The following PTAFR variants were observed in gnomAD, a reference collection of about 807,000 sequenced individuals.
PTAFR encodes the protein platelet activating factor receptor.
Under a neutral mutation model 14.7 loss-of-function variants are expected in PTAFR, and 8 were observed. That is an observed-to-expected ratio of 0.54 (90% CI 0.32 to 0.98). PTAFR has a LOEUF of 0.98. Among genes scored for constraint, PTAFR ranks in the 50% least tolerant of loss-of-function variants. The probability of loss-of-function intolerance (pLI) is 0.04; values close to 1 mark genes in which losing one functional copy is unlikely to be tolerated. For missense variants in PTAFR, 337 were observed against 451.2 expected (o/e 0.75, Z 2.29); for synonymous variants, 156 against 176.5 (o/e 0.88, Z 0.92).
chr1:28,159,859 A>G (rs901397394), intron 1 of PTAFR, among the ~76,000 whole-genome samples: 1 of 151,950 alleles, frequency 6.6e-6, no homozygotes, highest in African/African-American at 2.4e-5. Context: ...TTGAGCAACA[A>G]AATGCTGTGT....
At chr1:28,193,544 G>A (rs1194610424) in intron 1 of PTAFR, among the ~76,000 whole-genome samples, 3 of 152,024 alleles carry the variant, frequency 2.0e-5, no homozygotes, top group African/African-American at 4.8e-5. Context: ...GGATTGTGCT[G>A]TGTCTGTGGG....
chr1:28,180,143 TACAAA>T (rs911369522), upstream of PTAFR, among the ~76,000 whole-genome samples: 7 of 152,086 alleles, frequency 4.6e-5, no homozygotes, highest in East Asian at 1.9e-4. Flanking sequence ...ACCCTGTCTC[TACAAA>T]ACAAAACAAA....
intron 1 of PTAFR, among the ~76,000 whole-genome samples, chr1:28,151,669 A>C (rs527299958): frequency 0.031 from 4,772 of 152,132 alleles, 256 homozygotes; most frequent in African/African-American, 0.11. Flanking sequence ...CACACAAAAA[A>C]AAAAAATAAT....
upstream of PTAFR, among the ~76,000 whole-genome samples, chr1:28,178,091 T>TC (rs1646532916): frequency 6.6e-6 from 1 of 151,772 alleles, no homozygotes; most frequent in South Asian, 2.1e-4. Context: ...GAAACTGAGG[T>TC]CCCGACAGGA....
At position 28,149,988 on chromosome 1, in the gene PTAFR, A is replaced by G. The variant is rs957805951; in HGVS notation, c.*5T>C. The stretch of plus-strand genomic sequence containing the variant: ...AGGAGAAGACTTCAGGCCTGGAAGC[A>G]GGGACTAATTTTTGAGGGAATTGCC... On this transcript the variant is annotated 3_prime_UTR_variant, in exon 2 of 2. Coordinates refer to ENST00000373857, the MANE Select transcript of PTAFR (RefSeq NM_000952.5). 3 of 1,607,888 alleles carry G rather than the reference A, an allele frequency of 1.9e-6. No individual in the cohort carries two copies. Among genetic ancestry groups the G allele is most frequent in the Non-Finnish European group, 2.6e-6 (3 of 1,176,284 alleles).
intron 1 of PTAFR, among the ~76,000 whole-genome samples, chr1:28,187,690 C>A (rs754886983): frequency 6.6e-5 from 10 of 152,000 alleles, no homozygotes; most frequent in Non-Finnish European, 1.2e-4. Flanking sequence ...GCCATGTTGC[C>A]CAAGCTGTTC....
At position 28,183,952 on chromosome 1, in the gene PTAFR, T is replaced by C. The variant is rs571142500; in HGVS notation, c.-39+9770A>G. Among the ~76,000 whole-genome samples the C allele has an allele frequency of 4.6e-5, 7 of 152,084 alleles. No homozygotes were observed. In the East Asian group the frequency reaches 5.8e-4, roughly 13 times the overall value. On this transcript the variant is annotated intron_variant, in intron 1 of 1. Coordinates refer to the PTAFR transcript ENST00000305392. ...GATGGATAGATAGATAGATAGATGA[T>C]AGATCCAAAATCTTGCCACTTCTCA...
At chr1:28,154,811 CA>C (rs35917959) in intron 1 of PTAFR, among the ~76,000 whole-genome samples, 150 of 37,304 alleles carry the variant, frequency 4.0e-3, no homozygotes, top group East Asian at 0.022. Context: ...GACTCTGTCT[CA>C]AAAAAAAAAA....
chr1:28,191,633 C>G (rs1308028627), intron 1 of PTAFR, among the ~76,000 whole-genome samples: 1 of 151,822 alleles, frequency 6.6e-6, no homozygotes, highest in Admixed American at 6.6e-5. Flanking sequence ...TAGAGTAACT[C>G]AGGCTTCCTC....
At chr1:28,163,774 C>T (rs1258460189) in intron 1 of PTAFR, among the ~76,000 whole-genome samples, 1 of 152,204 alleles carries the variant, frequency 6.6e-6, no homozygotes, top group East Asian at 1.9e-4. Context: ...GACCTAGGGG[C>T]TTTGACCTAC....
At chr1:28,180,968 T>TTA (rs1646557629), upstream of PTAFR, among the ~76,000 whole-genome samples, 2 of 152,012 alleles carry the variant, frequency 1.3e-5, no homozygotes, top group African/African-American at 4.8e-5. Flanking sequence ...ATTGATTGAT[T>TTA]TTTATTTATT....
chr1:28,150,894 A>G lies in PTAFR; in HGVS notation c.128T>C (p.Leu43Pro), dbSNP rs1478666700. 1 of 1,614,164 alleles carries G rather than the reference A, an allele frequency of 6.2e-7. No individual in the cohort carries two copies. ...CTCATTGAATTTCTTGCAAGGGTAC[A>G]GGCGGGCAAAGACCCACAGCACGTA... ...NGYVLWVFAR[L>P]YPCKKFNEIK... is the part of the protein sequence containing the mutation. The change falls in exon 2 of 2, where the codon CTG becomes CCG. Residue 43 changes from leucine to proline, a missense_variant. Transcript: ENST00000373857. This position sits in a 1 kb window ranked among gnomAD's most constrained non-coding sequence, Gnocchi z 6.3.
chr1:28,184,489 C>T (rs151288141), intron 1 of PTAFR, among the ~76,000 whole-genome samples: 2,202 of 152,298 alleles, frequency 0.014, 20 homozygotes, highest in Middle Eastern at 0.027. Flanking sequence ...TTCCATCTCA[C>T]GTACAGGAGA....
rs1229960386 is a variant in PTAFR, at chr1:28,151,078, A to T, written c.-38-19T>A. ...GTGGTGCCTGGAAGACCACACAAAA[A>T]TTCTGGTTAATAAAGGGACAAGAAG... On this transcript the variant is annotated intron_variant, in intron 1 of 1. Coordinates refer to ENST00000373857, the MANE Select transcript of PTAFR (RefSeq NM_000952.5). The T allele has an allele frequency of 7.8e-6, 11 of 1,415,370 alleles. No individual in the cohort carries two copies. The East Asian group carries it at 2.5e-4, about 32-fold the overall frequency. 87.7% of individuals were successfully genotyped at this position (1,415,370 alleles called of 1,614,324 possible). A position where few individuals can be genotyped will look rare whatever the true frequency, so the allele number is the denominator to read the frequency against.
chr1:28,184,602 T>C (rs1428242436), intron 1 of PTAFR, among the ~76,000 whole-genome samples: 2 of 152,080 alleles, frequency 1.3e-5, no homozygotes, highest in Non-Finnish European at 2.9e-5. Context: ...CTGCCCTTCT[T>C]CAACACACTC....
chr1:28,182,220 C>T (rs1646568333), intron 1 of PTAFR, among the ~76,000 whole-genome samples: 1 of 151,920 alleles, frequency 6.6e-6, no homozygotes, highest in South Asian at 2.1e-4. Flanking sequence ...CCTGTAATTC[C>T]AACTACTCAG....
At chr1:28,185,212 T>C (rs1403991206) in intron 1 of PTAFR, among the ~76,000 whole-genome samples, 1 of 152,212 alleles carries the variant, frequency 6.6e-6, no homozygotes, top group Non-Finnish European at 1.5e-5. Flanking sequence ...CTTGAGTTTA[T>C]TGCCAAGATC....
At chr1:28,155,829 C>T (rs1646257770) in intron 1 of PTAFR, among the ~76,000 whole-genome samples, 1 of 152,138 alleles carries the variant, frequency 6.6e-6, no homozygotes, top group East Asian at 1.9e-4. Context: ...GACTTCACTA[C>T]TGCACTCCAG....
rs34668678 is a variant in PTAFR at position 28,149,325 on chromosome 1, CTTTTTTTTTTTTTTT to C, written c.*653_*667del. ...ATCACTTGAGAGTAGTTGCCCAAAG[CTTTTTTTTTTTTTTT>C]TTTTTTTTTTTTGAGATGGAATCTC... is the stretch of plus-strand genomic sequence containing the variant. On this transcript the variant is annotated 3_prime_UTR_variant, in exon 2 of 2. Transcript: ENST00000373857. 1.4e-5 allele frequency: 1 copy of C among 69,554 alleles called. No homozygotes were observed. The highest frequency in any genetic ancestry group is 2.6e-5 in the Non-Finnish European group (1 of 38,788). 4.3% of individuals were successfully genotyped at this position (69,554 alleles called of 1,614,324 possible).
Sources: allele counts gnomAD v4.1 joint callset (sites outside exome capture counted in the v4.1 genomes callset), GRCh38; gene constraint gnomAD v4.1.1; non-coding constraint Gnocchi (gnomAD v3.1); transcripts MANE v1.5; gene names NCBI Gene and HGNC (gene_info 2026-07-23, HGNC 2026-07-21).